The following TSHZ2 variants were observed in gnomAD, a reference collection of about 807,000 sequenced individuals.
TSHZ2 encodes the protein teashirt homolog 2.
Under a neutral mutation model 74.4 loss-of-function variants are expected in TSHZ2, and 21 were observed. The observed-to-expected ratio is 0.28, with a 90% CI of 0.20 to 0.41. The LOEUF (loss-of-function observed/expected upper bound fraction) is 0.41, where lower values mean the gene tolerates loss of function less well. Ranked by LOEUF, TSHZ2 falls within the 10% of genes least tolerant of loss-of-function variation. The pLI is 1.00. For synonymous variants in TSHZ2, 540 were observed against 515.3 expected, an observed-to-expected ratio of 1.05 and a Z score of -0.65; for missense variants, 1,244 against 1,293.5, an observed-to-expected ratio of 0.96 and a Z score of 0.59.
chr20:53,378,076 C>G (rs1213976627), intron 2 of TSHZ2, among the ~76,000 whole-genome samples: 1 of 152,120 alleles, frequency 6.6e-6, no homozygotes, highest in Admixed American at 6.5e-5. Context: ...CACGGTGGTT[C>G]ACGCCTGTAA....
intron 1 of TSHZ2, among the ~76,000 whole-genome samples, chr20:53,169,381 C>T (rs1367787486): frequency 6.6e-6 from 1 of 152,186 alleles, no homozygotes; most frequent in Non-Finnish European, 1.5e-5. Flanking sequence ...TCCCATGCTT[C>T]CTTGACCAAT....
intron 2 of TSHZ2, among the ~76,000 whole-genome samples, chr20:53,407,733 A>G (rs1982903116): frequency 6.6e-6 from 1 of 152,170 alleles, no homozygotes; most frequent in East Asian, 1.9e-4. Context: ...GAACACAACC[A>G]TGGCCTTCAC....
intron 2 of TSHZ2, among the ~76,000 whole-genome samples, chr20:53,418,589 T>TA (rs1338165340): frequency 6.6e-6 from 1 of 152,060 alleles, no homozygotes; most frequent in Non-Finnish European, 1.5e-5. Flanking sequence ...ACCTATTCAC[T>TA]AACACGACAA....
At chr20:53,353,109 T>A (rs979544522) in intron 2 of TSHZ2, among the ~76,000 whole-genome samples, 4 of 152,206 alleles carry the variant, frequency 2.6e-5, no homozygotes, top group East Asian at 3.9e-4. Context: ...AATAGAAAAA[T>A]TAAAAATCAT....
intron 1 of TSHZ2, among the ~76,000 whole-genome samples, chr20:53,063,375 A>G (rs1292196442): frequency 6.6e-6 from 1 of 152,266 alleles, no homozygotes; most frequent in Non-Finnish European, 1.5e-5. Flanking sequence ...TATATATTAC[A>G]TATGCACATT....
chr20:53,096,055 T>C (rs974405825), intron 1 of TSHZ2, among the ~76,000 whole-genome samples: 4 of 152,182 alleles, frequency 2.6e-5, no homozygotes, highest in Non-Finnish European at 5.9e-5. Flanking sequence ...GAAGCAATTG[T>C]AGTCTAGGGT....
chr20:52,980,879 A>G (rs1981539990), intron 1 of TSHZ2, among the ~76,000 whole-genome samples: 1 of 152,156 alleles, frequency 6.6e-6, no homozygotes, highest in African/African-American at 2.4e-5. Context: ...GGCTTACTTT[A>G]AATCACTTCA....
At chr20:53,313,515 C>G (rs540290281) in intron 2 of TSHZ2, among the ~76,000 whole-genome samples, 1 of 152,334 alleles carries the variant, frequency 6.6e-6, no homozygotes, top group South Asian at 2.1e-4. Context: ...GAGGTTTCCA[C>G]ACTTTTGAGA....
chr20:53,002,551 C>CTT (rs1206540030), intron 1 of TSHZ2, among the ~76,000 whole-genome samples: 1 of 151,922 alleles, frequency 6.6e-6, no homozygotes, highest in African/African-American at 2.4e-5. Context: ...AAATCTTATG[C>CTT]TTTTACCCAC....
At chr20:53,219,520 T>G (rs533229860) in intron 1 of TSHZ2, among the ~76,000 whole-genome samples, 1 of 152,346 alleles carries the variant, frequency 6.6e-6, no homozygotes, top group Non-Finnish European at 1.5e-5. Flanking sequence ...TGATAAAGCT[T>G]TGGAGATGTT....
chr20:53,220,871 A>G (rs1243206115), intron 1 of TSHZ2, among the ~76,000 whole-genome samples: 1 of 152,266 alleles, frequency 6.6e-6, no homozygotes, highest in Non-Finnish European at 1.5e-5. Flanking sequence ...CTTGTTCTGC[A>G]TCTCAAGGTG....
intron 2 of TSHZ2, among the ~76,000 whole-genome samples, chr20:53,386,061 G>A (rs991040676): frequency 6.6e-6 from 1 of 152,086 alleles, no homozygotes; most frequent in African/African-American, 2.4e-5. Context: ...CTCCTCCACT[G>A]GAGAAGGCCA....
At chr20:53,017,293 A>G (rs1426550639) in intron 1 of TSHZ2, among the ~76,000 whole-genome samples, 1 of 152,020 alleles carries the variant, frequency 6.6e-6, no homozygotes, top group East Asian at 1.9e-4. Context: ...TTTGATCCCT[A>G]GTTTGCTTGA....
intron 2 of TSHZ2, among the ~76,000 whole-genome samples, chr20:53,401,884 G>A (rs1424240283): frequency 7.0e-6 from 1 of 142,692 alleles, no homozygotes; most frequent in South Asian, 2.3e-4. Context: ...CCGGGTTCAC[G>A]CCATTCTCCT....
chr20:53,475,748 T>C (rs1187555567), intron 2 of TSHZ2, among the ~76,000 whole-genome samples: 1 of 140,280 alleles, frequency 7.1e-6, no homozygotes, highest in Non-Finnish European at 1.5e-5. Flanking sequence ...TCAACAAAAT[T>C]GATAGACCAC....
intron 2 of TSHZ2, among the ~76,000 whole-genome samples, chr20:53,268,289 C>T (rs370794077): frequency 6.6e-6 from 1 of 152,122 alleles, no homozygotes; most frequent in Non-Finnish European, 1.5e-5. Context: ...CTATTCATTT[C>T]GTGTCACGTC....
chr20:53,165,206 C>T (rs1293398), intron 1 of TSHZ2, among the ~76,000 whole-genome samples: 9,035 of 152,196 alleles, frequency 0.059, 334 homozygotes, highest in Non-Finnish European at 0.079. Flanking sequence ...AAAATTTGGA[C>T]GCAAGGTTTT....
rs762299506 is a variant in TSHZ2, at chr20:53,255,613, T to A, written c.2155T>A (p.Ser719Thr). 6.3e-7 allele frequency: 1 copy of A among 1,583,658 alleles called. No individual in the cohort carries two copies. The highest frequency in any genetic ancestry group is 2.2e-5 in the East Asian group (1 of 44,632). ...ATEPLRSPSC[S>T]SPSSSTISMF... is the part of the protein sequence containing the mutation. ...GGAGCCCTTGCGCTCACCTTCCTGCTCCAGCCCAAGTTCAAGCACAATTTC... is the reference window on the plus strand; with the variant it reads ...GGAGCCCTTGCGCTCACCTTCCTGCACCAGCCCAAGTTCAAGCACAATTTC... Residue 719 changes from serine (S) to threonine (T), a missense_variant, in exon 2 of 3, where the codon TCC (serine) becomes ACC (threonine). Ser to Thr is a moderately conservative substitution (Grantham distance 58). Around this residue, in one of 6 missense-constraint regions of TSHZ2, gnomAD observed 562 missense variants for 544.0 expected, o/e 1.03. Coordinates refer to ENST00000371497, the MANE Select transcript of TSHZ2 (RefSeq NM_173485.6). This position sits in a 1 kb window ranked among gnomAD's most constrained non-coding sequence, Gnocchi z 4.1.
intron 2 of TSHZ2, among the ~76,000 whole-genome samples, chr20:53,364,722 C>A (rs548434756): frequency 1.3e-5 from 2 of 152,208 alleles, no homozygotes; most frequent in African/African-American, 4.8e-5. Flanking sequence ...TTGTGGAGTG[C>A]CGGGGCTTGG....
Sources: allele counts gnomAD v4.1 joint callset (sites outside exome capture counted in the v4.1 genomes callset), GRCh38; gene constraint gnomAD v4.1.1; regional missense constraint gnomAD v4.1.1; non-coding constraint Gnocchi (gnomAD v3.1); transcripts MANE v1.5; gene names NCBI Gene and HGNC (gene_info 2026-07-23, HGNC 2026-07-21).